The following ZFAND3 variants were observed in gnomAD, a reference collection of about 807,000 sequenced individuals.
The protein encoded by ZFAND3 is AN1-type zinc finger protein 3.
In ZFAND3, 10 loss-of-function variants were observed where a neutral mutation model predicts 29.6. The ratio of observed to expected loss-of-function variants is 0.34; its 90% CI spans 0.21 to 0.57. ZFAND3 has a LOEUF of 0.57. Among genes scored for constraint, ZFAND3 ranks in the 20% least tolerant of loss-of-function variants. The pLI, the probability that ZFAND3 is intolerant of heterozygous loss-of-function variation, is 0.86. For synonymous variants in ZFAND3, 128 were observed against 112.6 expected, an observed-to-expected ratio of 1.14 and a Z score of -0.87; for missense variants, 230 against 304.5, an observed-to-expected ratio of 0.76 and a Z score of 1.82.
At chr6:37,867,728 A>G (rs909297250) in intron 1 of ZFAND3, among the ~76,000 whole-genome samples, 1 of 152,224 alleles carries the variant, frequency 6.6e-6, no homozygotes, top group African/African-American at 2.4e-5. Context: ...AATTGTCACA[A>G]TAAGAACCAG....
chr6:37,873,393 A>C (rs772320910), intron 1 of ZFAND3, among the ~76,000 whole-genome samples: 1 of 152,274 alleles, frequency 6.6e-6, no homozygotes, highest in South Asian at 2.1e-4. Context: ...AGGTAAACAC[A>C]GCCCTAATTC....
At chr6:38,021,040 A>T (rs1286809654) in intron 2 of ZFAND3, among the ~76,000 whole-genome samples, 1 of 152,362 alleles carries the variant, frequency 6.6e-6, no homozygotes, top group East Asian at 1.9e-4. Flanking sequence ...AATACATTTT[A>T]AAAATTCTGT....
At chr6:37,932,250 G>A (rs935548933) in intron 2 of ZFAND3, among the ~76,000 whole-genome samples, 2 of 139,270 alleles carry the variant, frequency 1.4e-5, no homozygotes, top group Non-Finnish European at 3.1e-5. Flanking sequence ...GCCAGAACGA[G>A]ACTCTGTCTC....
intron 2 of ZFAND3, among the ~76,000 whole-genome samples, chr6:37,968,325 G>A (rs531302673): frequency 6.6e-6 from 1 of 151,606 alleles, no homozygotes; most frequent in Non-Finnish European, 1.5e-5. Flanking sequence ...ATTGGGTGAG[G>A]CCTAACCATT....
intron 1 of ZFAND3, among the ~76,000 whole-genome samples, chr6:37,912,030 C>CTGTG (rs59017250): frequency 0.26 from 36,419 of 139,508 alleles, 5,237 homozygotes; most frequent in Non-Finnish European, 0.34. Context: ...AGTCTTTTAT[C>CTGTG]TGTGTGTGTG....
rs576756220 is a variant in ZFAND3 at position 37,950,160 on chromosome 6, TGTTA to T, written c.112+20165_112+20168del. Among the ~76,000 whole-genome samples, 28 of 152,346 alleles carry T rather than the reference TGTTA, an allele frequency of 1.8e-4. No individual in the cohort carries two copies. The East Asian group carries it at 4.8e-3, about 26-fold the overall frequency. On this transcript the variant is annotated intron_variant, in intron 2 of 5. Coordinates refer to ENST00000287218, the MANE Select transcript of ZFAND3 (RefSeq NM_021943.3). ...AGAAGCTCTATACTTAGGTTCCACT[TGTTA>T]GTTTTTGTTGCAATTGCTTTTACAG...
intron 2 of ZFAND3, among the ~76,000 whole-genome samples, chr6:38,025,545 T>C (rs1763431553): frequency 6.6e-6 from 1 of 152,222 alleles, no homozygotes; most frequent in Non-Finnish European, 1.5e-5. Flanking sequence ...GTTTTGTTCT[T>C]AGTGAAATAG....
intron 3 of ZFAND3, among the ~76,000 whole-genome samples, chr6:38,066,878 C>T (rs879763379): frequency 6.6e-6 from 1 of 152,146 alleles, no homozygotes; most frequent in African/African-American, 2.4e-5. Context: ...TATCTAAAAG[C>T]TCTTAAGTGA....
chr6:38,081,889 A>G (rs749115186), intron 3 of ZFAND3, among the ~76,000 whole-genome samples: 7 of 152,040 alleles, frequency 4.6e-5, no homozygotes, highest in Non-Finnish European at 1.0e-4. Flanking sequence ...ATATATGAAA[A>G]TGATTCTTAT....
At chr6:38,142,737 A>G (rs1310671249) in intron 5 of ZFAND3, among the ~76,000 whole-genome samples, 1 of 152,142 alleles carries the variant, frequency 6.6e-6, no homozygotes, top group Admixed American at 6.5e-5. Context: ...GTGCCTCCTT[A>G]GGGGTTTTTG....
intron 2 of ZFAND3, among the ~76,000 whole-genome samples, chr6:37,962,855 C>T (rs1178029398): frequency 6.6e-6 from 1 of 152,194 alleles, no homozygotes; most frequent in Non-Finnish European, 1.5e-5. Context: ...GTCCGCACTG[C>T]CTTTAAGAGC....
intron 2 of ZFAND3, among the ~76,000 whole-genome samples, chr6:37,983,096 A>C (rs1286442948): frequency 6.6e-6 from 1 of 152,216 alleles, no homozygotes; most frequent in East Asian, 1.9e-4. Context: ...AAATGTTAAT[A>C]CAAAAGAGTC....
At chr6:38,039,347 A>C (rs1159593226) in intron 2 of ZFAND3, among the ~76,000 whole-genome samples, 2 of 152,194 alleles carry the variant, frequency 1.3e-5, no homozygotes, top group Non-Finnish European at 2.9e-5. Context: ...AAAATTGTTC[A>C]TAGCCAGCTT....
At chr6:37,876,991 C>T (rs1028408492) in intron 1 of ZFAND3, among the ~76,000 whole-genome samples, 5 of 152,164 alleles carry the variant, frequency 3.3e-5, no homozygotes, top group African/African-American at 1.2e-4. Flanking sequence ...ACAATCATTT[C>T]CTTGAGTGAC....
chr6:38,070,340 C>T (rs1388956164), intron 3 of ZFAND3, among the ~76,000 whole-genome samples: 1 of 151,400 alleles, frequency 6.6e-6, no homozygotes, highest in Non-Finnish European at 1.5e-5. Context: ...AGGAGAATCG[C>T]TTGAACCCGA....
In ZFAND3 at chr6:38,154,510, C is replaced by T. The variant is rs1292410671; in HGVS notation, c.*2121C>T. Reference sequence around the variant, plus strand: ...CCCTTTTGTGTTCTAGATTTACTTACACACATAGCCTAGAGCTCAGTTTTA... The same window carrying T: ...CCCTTTTGTGTTCTAGATTTACTTATACACATAGCCTAGAGCTCAGTTTTA... On this transcript the variant is annotated 3_prime_UTR_variant, in exon 6 of 6. Transcript: ENST00000287218. 1 of 979,232 alleles carries T rather than the reference C, an allele frequency of 1.0e-6. No individual in the cohort carries two copies. The highest frequency in any genetic ancestry group is 1.2e-6 in the Non-Finnish European group (1 of 824,080). 60.7% of individuals were successfully genotyped at this position (979,232 alleles called of 1,614,324 possible). A position where few individuals can be genotyped will look rare whatever the true frequency, so the allele number is the denominator to read the frequency against.
At position 37,958,359 on chromosome 6, in the gene ZFAND3, C is replaced by T. The variant is rs1369999720; in HGVS notation, c.112+28360C>T. ...ACCCCAGCTCCTCGGGAGGCTGAGGCAGGAGAATCGCTTGAACCTGGGAGG... is the reference window on the plus strand; with the variant it reads ...ACCCCAGCTCCTCGGGAGGCTGAGGTAGGAGAATCGCTTGAACCTGGGAGG... On this transcript the variant is annotated intron_variant, in intron 2 of 5. Coordinates refer to ENST00000287218, the MANE Select transcript of ZFAND3 (RefSeq NM_021943.3). Among the ~76,000 whole-genome samples the T allele has an allele frequency of 1.2e-4, 18 of 150,054 alleles. 1 individual carries two copies. The highest frequency in any genetic ancestry group is 4.2e-4 in the African/African-American group (17 of 40,700).
chr6:38,043,552 C>T (rs1228203192), intron 2 of ZFAND3, among the ~76,000 whole-genome samples: 1 of 148,906 alleles, frequency 6.7e-6, no homozygotes, highest in East Asian at 2.0e-4. Flanking sequence ...TTTCTCCCCT[C>T]TTCCTCCTTC....
intron 5 of ZFAND3, among the ~76,000 whole-genome samples, chr6:38,126,795 T>C (rs943380456): frequency 1.3e-5 from 2 of 151,296 alleles, no homozygotes; most frequent in Non-Finnish European, 2.9e-5. Flanking sequence ...CAATATGATA[T>C]GTCTCTCTAT....
Sources: gnomAD v4.1 joint callset for allele counts (sites outside exome capture counted in the v4.1 genomes callset) on GRCh38, gnomAD v4.1.1 for gene constraint, MANE v1.5 for transcripts, NCBI Gene and HGNC (gene_info 2026-07-23, HGNC 2026-07-21) for gene names.